Variants in SETD3 observed in about 807,000 individuals in gnomAD.
SETD3 encodes the protein actin-histidine N-methyltransferase.
Under a neutral mutation model 63.0 loss-of-function variants are expected in SETD3, and 19 were observed. The observed-to-expected ratio is 0.30, with a 90% confidence interval of 0.21 to 0.44. SETD3 has a LOEUF of 0.44. Among genes scored for constraint, SETD3 ranks in the 20% least tolerant of loss-of-function variants. The probability of loss-of-function intolerance (pLI) is 1.00; values close to 1 mark genes in which losing one functional copy is unlikely to be tolerated. For missense variants in SETD3, 587 were observed against 728.5 expected, an observed-to-expected ratio of 0.81 and a Z score of 2.24; for synonymous variants, 286 against 264.1, an observed-to-expected ratio of 1.08 and a Z score of -0.80.
At chr14:99,480,454 C>A (rs1896233962) in intron 1 of SETD3, among the ~76,000 whole-genome samples, 1 of 151,466 alleles carries the variant, frequency 6.6e-6, no homozygotes, top group African/African-American at 2.4e-5. Flanking sequence ...AGGGCAGCGG[C>A]GAGCGCGCGC....
chr14:99,460,655 G>A (rs1182607248), intron 4 of SETD3, among the ~76,000 whole-genome samples: 2 of 152,182 alleles, frequency 1.3e-5, no homozygotes, highest in African/African-American at 4.8e-5. Context: ...AGTGACTGCT[G>A]CTCCCTTCAT....
intron 2 of SETD3, 54 bp from the exon 3 acceptor site, chr14:99,463,632 C>T: frequency 7.2e-7 from 1 of 1,387,706 alleles, no homozygotes; most frequent in Non-Finnish European, 1.0e-6. Flanking sequence ...ACTTAACCTA[C>T]TAGTCTGCAC....
rs146095518 is a variant in SETD3, at chr14:99,463,562, C to G, written c.120G>C (p.Ala40=). 6.2e-7 allele frequency: 1 copy of G among 1,613,892 alleles called. No homozygotes were observed. Among genetic ancestry groups the G allele is most frequent in the South Asian group, 1.1e-5 (1 of 91,042 alleles). The change falls in exon 3 of 13, where the codon GCG becomes GCC. Residue 40 remains alanine, a synonymous_variant. Coordinates refer to ENST00000331768, the MANE Select transcript of SETD3 (RefSeq NM_032233.3). ...SELLQKCSSP[A]PGPGKEWEEY... Reference sequence around the variant, plus strand: ...CTTCCCACTCTTTTCCTGGGCCAGGCGCCGGACTGCTGCATTCTGTAACAT... The same window carrying G: ...CTTCCCACTCTTTTCCTGGGCCAGGGGCCGGACTGCTGCATTCTGTAACAT...
intron 6 of SETD3, among the ~76,000 whole-genome samples, chr14:99,428,048 GCA>G (rs1000257198): frequency 8.5e-5 from 13 of 152,202 alleles, no homozygotes; most frequent in African/African-American, 3.1e-4. Context: ...GAATCGATTG[GCA>G]CACAGAGGGA....
At chr14:99,480,542 C>T (rs1896243828) in intron 1 of SETD3, among the ~76,000 whole-genome samples, 186 bp downstream of exon 1, 1 of 150,724 alleles carries the variant, frequency 6.6e-6, no homozygotes, top group Non-Finnish European at 1.5e-5. Context: ...CCCTGGCCCC[C>T]GAGCGCACAC....
At position 99,465,899 on chromosome 14, in the gene SETD3, G is replaced by A. The variant is rs1895344949; in HGVS notation, c.-8-86C>T. 17 of 789,774 alleles carry A rather than the reference G, an allele frequency of 2.2e-5. No homozygotes were observed. The South Asian group carries it at 2.9e-4, about 13-fold the overall frequency. 48.9% of individuals were successfully genotyped at this position (789,774 alleles called of 1,614,324 possible). On this transcript the variant is annotated intron_variant, in intron 1 of 12. Transcript: ENST00000331768. ...TAAAACATGTCCAACACATGGCAGT[G>A]TCTTAGTCTTCAGAGGCTAAGATCT...
chr14:99,413,333 T>G (rs1892109558), intron 7 of SETD3: 1 of 357,496 alleles, frequency 2.8e-6, no homozygotes, highest in Non-Finnish European at 5.1e-6. Context: ...CTCAGGCCCC[T>G]TCCCGGATCT....
intron 6 of SETD3, among the ~76,000 whole-genome samples, chr14:99,444,857 A>G (rs1894042919): frequency 6.6e-6 from 1 of 152,110 alleles, no homozygotes; most frequent in Admixed American, 6.6e-5. Flanking sequence ...ACAACTTGAT[A>G]TATGTCATGA....
chr14:99,429,880 TCTC>T (rs1893077770), intron 6 of SETD3, among the ~76,000 whole-genome samples: 1 of 152,216 alleles, frequency 6.6e-6, no homozygotes, highest in South Asian at 2.1e-4. Flanking sequence ...TTTATTTTGG[TCTC>T]CTCAATTCCA....
intron 7 of SETD3, 127 bp downstream of exon 7, chr14:99,413,749 G>A: frequency 1.2e-6 from 1 of 819,820 alleles, no homozygotes; most frequent in South Asian, 1.6e-5. Context: ...TGAAAGATGA[G>A]CTCTGTTTGG....
intron 6 of SETD3, among the ~76,000 whole-genome samples, chr14:99,427,550 A>G (rs528962777): frequency 1.3e-5 from 2 of 152,294 alleles, no homozygotes; most frequent in East Asian, 3.9e-4. Context: ...TTTATAGAAA[A>G]CGATAAAGGA....
rs751984389 is a variant in SETD3 at position 99,406,552 on chromosome 14, C to CT, written c.887dup (p.Cys297ValfsTer34). 1 of 1,614,224 alleles carries CT rather than the reference C, an allele frequency of 6.2e-7. No individual in the cohort carries two copies. Among genetic ancestry groups the CT allele is most frequent in the Non-Finnish European group, 8.5e-7 (1 of 1,180,044 alleles). On this transcript the variant is annotated frameshift_variant, in exon 9 of 13. Coordinates refer to ENST00000331768, the MANE Select transcript of SETD3 (RefSeq NM_032233.3). LOFTEE classifies it high-confidence loss of function. ...CCCGAAAATCCTGCAGAGCCACACACTCACAGCGGTCATCTTCCAGGTTGT... is the reference window on the plus strand; with the variant it reads ...CCCGAAAATCCTGCAGAGCCACACACTTCACAGCGGTCATCTTCCAGGTTGT...
intron 6 of SETD3, among the ~76,000 whole-genome samples, chr14:99,418,022 C>T (rs1892372873): frequency 6.6e-6 from 1 of 152,018 alleles, no homozygotes; most frequent in African/African-American, 2.4e-5. Context: ...TAAAGAAAAA[C>T]AAGTTGAACA....
At chr14:99,477,615 GT>G (rs572720391) in intron 1 of SETD3, among the ~76,000 whole-genome samples, 77 of 152,018 alleles carry the variant, frequency 5.1e-4, no homozygotes, top group African/African-American at 1.8e-3. Context: ...TTAGCCAGGC[GT>G]GGTGGCGCAT....
intron 6 of SETD3, among the ~76,000 whole-genome samples, chr14:99,426,541 CAG>C (rs1447691904): frequency 1.3e-5 from 2 of 152,200 alleles, no homozygotes; most frequent in Admixed American, 6.5e-5. Context: ...GGGGACCCAG[CAG>C]AGAGAGTCCT....
At chr14:99,442,958 C>A (rs1008435265) in intron 6 of SETD3, among the ~76,000 whole-genome samples, 24 of 152,188 alleles carry the variant, frequency 1.6e-4, no homozygotes, top group African/African-American at 4.8e-4. Flanking sequence ...CAACCACACA[C>A]TCTGACGCGG....
intron 6 of SETD3, among the ~76,000 whole-genome samples, chr14:99,450,403 G>T (rs1056765737): frequency 6.6e-6 from 1 of 152,212 alleles, no homozygotes; most frequent in Non-Finnish European, 1.5e-5. Flanking sequence ...GAAAATGTTT[G>T]TATTTAGCCA....
intron 1 of SETD3, among the ~76,000 whole-genome samples, chr14:99,477,326 T>A (rs1896023372): frequency 1.3e-5 from 2 of 152,238 alleles, no homozygotes; most frequent in African/African-American, 4.8e-5. Context: ...TCTGTTTATA[T>A]CCAAAACTTA....
At chr14:99,472,712 A>G (rs769676217) in intron 1 of SETD3, among the ~76,000 whole-genome samples, 7 of 152,244 alleles carry the variant, frequency 4.6e-5, no homozygotes, top group Non-Finnish European at 5.9e-5. Context: ...TAAATTACAG[A>G]TATTAGCCAG....
Sources: gnomAD v4.1 joint callset for allele counts (sites outside exome capture counted in the v4.1 genomes callset) on GRCh38, gnomAD v4.1.1 for gene constraint, MANE v1.5 for transcripts, NCBI Gene and HGNC (gene_info 2026-07-23, HGNC 2026-07-21) for gene names.